The following CSMD1 variants were observed in gnomAD, a reference collection of about 807,000 sequenced individuals.
CSMD1 encodes CUB and Sushi multiple domains 1.
Under a neutral mutation model 417.5 loss-of-function variants are expected in CSMD1, and 213 were observed. That is an observed-to-expected ratio of 0.51 (90% CI 0.46 to 0.57). The LOEUF is 0.57. CSMD1 is among the 20% of genes least tolerant of loss of function. CSMD1 has a pLI of 0.00. For synonymous variants in CSMD1, 2,862 were observed against 1,736.8 expected (o/e 1.65, Z -16.11); for missense variants, 6,923 against 4,529.7 (o/e 1.53, Z -15.17).
chr8:3,080,434 A>C (rs1234826511), intron 49 of CSMD1, among the ~76,000 whole-genome samples: 1 of 152,230 alleles, frequency 6.6e-6, no homozygotes, highest in African/African-American at 2.4e-5. Flanking sequence ...AATAATTTAA[A>C]AGGTCAAGCA....
At chr8:3,019,109 T>C (rs1279921043) in intron 51 of CSMD1, among the ~76,000 whole-genome samples, 5 of 152,102 alleles carry the variant, frequency 3.3e-5, no homozygotes, top group African/African-American at 1.2e-4. Context: ...GTAGAGACAG[T>C]GTTTTGCCAT....
At chr8:3,966,663 C>T (rs1409953420) in intron 5 of CSMD1, among the ~76,000 whole-genome samples, 2 of 152,138 alleles carry the variant, frequency 1.3e-5, no homozygotes, top group Non-Finnish European at 2.9e-5. Context: ...AGACCATGTG[C>T]TGTGTTTCAT....
intron 10 of CSMD1, among the ~76,000 whole-genome samples, chr8:3,541,655 A>C (rs1798443657): frequency 6.7e-6 from 1 of 149,938 alleles, no homozygotes; most frequent in Non-Finnish European, 1.5e-5. Flanking sequence ...CAAATTAATC[A>C]AAATATTTTA....
chr8:3,809,908 A>G (rs749823073), intron 5 of CSMD1, among the ~76,000 whole-genome samples: 23 of 152,114 alleles, frequency 1.5e-4, no homozygotes, highest in Non-Finnish European at 2.4e-4. Context: ...CCCATCTTTA[A>G]TCTAATCCTC....
At chr8:4,363,120 T>C (rs1219496667) in intron 3 of CSMD1, among the ~76,000 whole-genome samples, 1 of 152,188 alleles carries the variant, frequency 6.6e-6, no homozygotes, top group Non-Finnish European at 1.5e-5. Flanking sequence ...CATCAGACAC[T>C]TTCAACAGAG....
intron 3 of CSMD1, among the ~76,000 whole-genome samples, chr8:4,318,052 T>C (rs1238183837): frequency 6.6e-6 from 1 of 152,204 alleles, no homozygotes; most frequent in African/African-American, 2.4e-5. Flanking sequence ...AATTGTGCGT[T>C]CGTTTTTTCT....
intron 49 of CSMD1, among the ~76,000 whole-genome samples, chr8:3,083,659 T>TTTTA (rs1814308861): frequency 2.7e-4 from 19 of 70,110 alleles, no homozygotes; most frequent in South Asian, 5.9e-4. Flanking sequence ...TTTTTTTTTT[T>TTTTA]TTTTTTTTTT....
At chr8:4,398,381 G>A (rs762736101) in intron 3 of CSMD1, among the ~76,000 whole-genome samples, 1 of 137,954 alleles carries the variant, frequency 7.2e-6, no homozygotes, top group African/African-American at 2.7e-5. Flanking sequence ...TTGTCTTGCT[G>A]CAACTTCTTT....
At chr8:3,741,141 G>T (rs1796779709) in intron 6 of CSMD1, among the ~76,000 whole-genome samples, 1 of 151,140 alleles carries the variant, frequency 6.6e-6, no homozygotes. Flanking sequence ...TTGAAGCTGG[G>T]AGGTGGAGGT....
intron 44 of CSMD1, among the ~76,000 whole-genome samples, 168 bp from the exon 45 acceptor site, chr8:3,107,966 ATAT>A (rs1215118829): frequency 6.6e-6 from 1 of 152,338 alleles, no homozygotes; most frequent in East Asian, 1.9e-4. Context: ...TCAAATGTTC[ATAT>A]TATTATTTAG....
At chr8:3,968,444 C>T (rs576775752) in intron 5 of CSMD1, among the ~76,000 whole-genome samples, 1 of 152,280 alleles carries the variant, frequency 6.6e-6, no homozygotes, top group East Asian at 1.9e-4. Flanking sequence ...CAGCAACCCA[C>T]ACAATGCTTT....
At chr8:4,646,603 A>G (rs1184052607) in intron 1 of CSMD1, among the ~76,000 whole-genome samples, 6 of 152,032 alleles carry the variant, frequency 3.9e-5, no homozygotes, top group Non-Finnish European at 5.9e-5. Context: ...CTGTGTAGAT[A>G]TATGAGTGCC....
chr8:4,092,523 A>C (rs1800774522), intron 3 of CSMD1, among the ~76,000 whole-genome samples: 1 of 152,246 alleles, frequency 6.6e-6, no homozygotes, highest in Non-Finnish European at 1.5e-5. Context: ...ATTTAAAAAA[A>C]GAATAGAAGT....
At chr8:3,770,659 A>G (rs747604597) in intron 5 of CSMD1, among the ~76,000 whole-genome samples, 2 of 152,212 alleles carry the variant, frequency 1.3e-5, no homozygotes, top group East Asian at 1.9e-4. Flanking sequence ...GCTTTTTCCC[A>G]TCATGACTGA....
At chr8:4,203,280 A>G (rs907298362) in intron 3 of CSMD1, among the ~76,000 whole-genome samples, 1 of 152,158 alleles carries the variant, frequency 6.6e-6, no homozygotes, top group Admixed American at 6.5e-5. Context: ...TGACTCCTTC[A>G]GAAAAGAACA....
At chr8:4,657,922 T>TA (rs1804347008) in intron 1 of CSMD1, among the ~76,000 whole-genome samples, 2 of 151,840 alleles carry the variant, frequency 1.3e-5, no homozygotes, top group South Asian at 2.1e-4. Flanking sequence ...ATACTGAAGA[T>TA]AAAAAGTACA....
At chr8:3,422,956 C>A (rs1275807402) in intron 12 of CSMD1, among the ~76,000 whole-genome samples, 3 of 152,122 alleles carry the variant, frequency 2.0e-5, no homozygotes, top group Non-Finnish European at 2.9e-5. Flanking sequence ...TTGTTAAGCT[C>A]TTTATTAAGG....
intron 12 of CSMD1, among the ~76,000 whole-genome samples, chr8:3,455,000 T>C (rs1816012658): frequency 6.6e-6 from 1 of 152,204 alleles, no homozygotes; most frequent in African/African-American, 2.4e-5. Context: ...TCTTGGAGGC[T>C]TTGTTTGTTT....
chr8:4,364,371 C>G (rs1480022094), intron 3 of CSMD1, among the ~76,000 whole-genome samples: 1 of 152,162 alleles, frequency 6.6e-6, no homozygotes, highest in East Asian at 1.9e-4. Context: ...GCTTTCCCCT[C>G]TTCAGTTCCT....
Sources: allele counts gnomAD v4.1 joint callset (sites outside exome capture counted in the v4.1 genomes callset), GRCh38; gene constraint gnomAD v4.1.1; transcripts MANE v1.5; gene names NCBI Gene and HGNC (gene_info 2026-07-23, HGNC 2026-07-21).